PHIP: variants seen among roughly 807,000 people sequenced by gnomAD.
PHIP encodes the protein PHIP subunit of CUL4-Ring ligase complex, also known as PH-interacting protein.
PHIP carries 54 observed loss-of-function variants against 236.8 expected under a neutral mutation model. That is an observed-to-expected ratio of 0.23 (90% CI 0.18 to 0.29). The LOEUF (loss-of-function observed/expected upper bound fraction) is 0.29. Among genes scored for constraint, PHIP ranks in the 10% least tolerant of loss-of-function variants. The pLI is 1.00. For synonymous variants in PHIP, 756 were observed against 718.9 expected, an observed-to-expected ratio of 1.05 and a Z score of -0.83; for missense variants, 1,370 against 2,190.8, an observed-to-expected ratio of 0.63 and a Z score of 7.48.
chr6:78,990,539 T>A (rs1044833853), intron 20 of PHIP, among the ~76,000 whole-genome samples: 1 of 151,970 alleles, frequency 6.6e-6, no homozygotes, highest in South Asian at 2.1e-4. Flanking sequence ...TAGAAAAACA[T>A]AACAAAATGC....
At chr6:78,946,350 C>G (rs1225098536) in intron 37 of PHIP, 90 bp from the exon 38 acceptor site, 60 of 1,430,970 alleles carry the variant, frequency 4.2e-5, no homozygotes, top group Non-Finnish European at 5.3e-5. Flanking sequence ...AATATTTGTA[C>G]TATTATGAAA....
intron 31 of PHIP, among the ~76,000 whole-genome samples, chr6:78,959,700 G>GTT (rs1766649081): frequency 6.6e-6 from 1 of 152,140 alleles, no homozygotes; most frequent in Admixed American, 6.6e-5. Context: ...TCTAATTCAT[G>GTT]TAAGTATTGT....
intron 7 of PHIP, among the ~76,000 whole-genome samples, chr6:79,031,618 A>C (rs751103450): frequency 1.3e-5 from 2 of 152,222 alleles, no homozygotes; most frequent in African/African-American, 2.4e-5. Flanking sequence ...GTCTACTGCC[A>C]CACCTGAAAA....
Position 79,077,727 on chromosome 6 carries a change from C to T in PHIP, c.102G>A (p.Val34=). The change falls in exon 3 of 40, where the codon GTG becomes GTA. Residue 34 remains valine, a splice_region_variant and synonymous_variant. Coordinates refer to ENST00000275034, the MANE Select transcript of PHIP (RefSeq NM_017934.7). Reference sequence around the variant, plus strand: ...CCTTCTCGGCCACCTCGCGGATCAGCACCTGCAACAACAAAGCGGGGAGAG... The same window carrying T: ...CCTTCTCGGCCACCTCGCGGATCAGTACCTGCAACAACAAAGCGGGGAGAG... ...EDGPCQQAAQ[V]LIREVAEKEL... The T allele has an allele frequency of 2.0e-6, 2 of 1,013,414 alleles. No homozygotes were observed. Among genetic ancestry groups the T allele is most frequent in the Non-Finnish European group, 2.4e-6 (2 of 850,316 alleles). The allele number at this position is 1,013,414 out of a possible 1,614,324, so 62.8% of individuals were successfully genotyped here. A position where few individuals can be genotyped will look rare whatever the true frequency, so the allele number is the denominator to read the frequency against.
chr6:79,033,763 A>G (rs1490820194), intron 7 of PHIP, among the ~76,000 whole-genome samples: 1 of 152,088 alleles, frequency 6.6e-6, no homozygotes, highest in Admixed American at 6.6e-5. Flanking sequence ...TCCTTCAAGA[A>G]CTTTTGCTTT....
At position 78,997,437 on chromosome 6, in the gene PHIP, G is replaced by A. The variant is rs35057263; in HGVS notation, c.2178C>T (p.Pro726=). ...ACCTGGCTACACCAGCTGATAGCTC[G>A]GGTACTACCACCCTTCGACTCCAAG... ...LVAWSRRVVV[P]ELSAGVASRQ... is the part of the protein sequence containing the mutation. The change falls in exon 19 of 40, where the codon CCC becomes CCT. Residue 726 remains proline (P), a synonymous_variant. Coordinates refer to ENST00000275034, the MANE Select transcript of PHIP (RefSeq NM_017934.7). The A allele has an allele frequency of 4.3e-6, 7 of 1,613,592 alleles. No individual in the cohort carries two copies. Among genetic ancestry groups the A allele is most frequent in the South Asian group, 2.2e-5 (2 of 91,028 alleles).
At chr6:78,985,612 G>A (rs1170038573) in intron 21 of PHIP, among the ~76,000 whole-genome samples, 184 bp from the exon 22 acceptor site, 2 of 152,160 alleles carry the variant, frequency 1.3e-5, no homozygotes, top group Admixed American at 1.3e-4. Flanking sequence ...AGGTCAAGGT[G>A]GGCAGATCAC....
intron 27 of PHIP, 30 bp downstream of exon 27, chr6:78,969,805 A>C: frequency 9.2e-7 from 1 of 1,090,850 alleles, no homozygotes; most frequent in Non-Finnish European, 1.3e-6. Flanking sequence ...ACCACATCAA[A>C]CATCGATAGC....
In PHIP at chr6:78,939,471, T is replaced by A. The variant is rs1328826705; in HGVS notation, c.*1222A>T. ...CTTTAATAATTGAAAATAACCAATTTCCCCCTTAAAATTAAACTATAAAGT... is the reference window on the plus strand; with the variant it reads ...CTTTAATAATTGAAAATAACCAATTACCCCCTTAAAATTAAACTATAAAGT... On this transcript the variant is annotated 3_prime_UTR_variant, in exon 40 of 40. Transcript: ENST00000275034. 1.3e-5 allele frequency: 2 copies of A among 151,734 alleles called. No individual in the cohort carries two copies. Among genetic ancestry groups the A allele is most frequent in the East Asian group, 3.8e-4 (2 of 5,198 alleles). 9.4% of individuals were successfully genotyped at this position (151,734 alleles called of 1,614,324 possible). A position where few individuals can be genotyped will look rare whatever the true frequency, so the allele number is the denominator to read the frequency against.
intron 15 of PHIP, among the ~76,000 whole-genome samples, chr6:79,010,801 C>T (rs1770535413): frequency 1.3e-5 from 2 of 151,762 alleles, no homozygotes; most frequent in Admixed American, 6.6e-5. Context: ...TGGCCTAGTA[C>T]TAAGAAATGT....
chr6:79,017,212 A>G (rs2127742074), intron 12 of PHIP, 134 bp downstream of exon 12: 1 of 557,724 alleles, frequency 1.8e-6, no homozygotes, highest in African/African-American at 1.9e-5. Context: ...GGCTATATTC[A>G]CTTTTAAGTA....
chr6:78,991,466 C>T (rs1769241432), intron 19 of PHIP, among the ~76,000 whole-genome samples: 1 of 152,090 alleles, frequency 6.6e-6, no homozygotes, highest in African/African-American at 2.4e-5. Flanking sequence ...GGTCAGGTTT[C>T]ACCGACTGAA....
chr6:79,069,192 T>C (rs868218518), intron 4 of PHIP, among the ~76,000 whole-genome samples: 2 of 148,104 alleles, frequency 1.4e-5, no homozygotes, highest in East Asian at 1.9e-4. Context: ...ATTTATAATA[T>C]ATAATATACA....
rs188245603 is a variant in PHIP, at chr6:79,025,835, T to C, written c.822+108A>G. On this transcript the variant is annotated intron_variant, in intron 8 of 39. Transcript: ENST00000275034. Reference sequence around the variant, plus strand: ...CTTATATACTGGATTATAAAGGTGATTATAAAAGTAACTTCTTAAAATTTA... The same window carrying C: ...CTTATATACTGGATTATAAAGGTGACTATAAAAGTAACTTCTTAAAATTTA... 1.2e-3 allele frequency: 990 copies of C among 842,422 alleles called. 15 individuals are homozygous for C. The highest frequency in any genetic ancestry group is 4.9e-4 in the Admixed American group (20 of 41,168). The allele number at this position is 842,422 out of a possible 1,614,324, so 52.2% of individuals were successfully genotyped here. A position where few individuals can be genotyped will look rare whatever the true frequency, so the allele number is the denominator to read the frequency against.
intron 12 of PHIP, 31 bp from the exon 13 acceptor site, chr6:79,016,673 A>G: frequency 1.5e-6 from 2 of 1,374,188 alleles, no homozygotes; most frequent in Non-Finnish European, 2.0e-6. Flanking sequence ...TCCCCCAAAG[A>G]AAAATCATAC....
chr6:79,046,224 C>G (rs1205487773), intron 6 of PHIP, among the ~76,000 whole-genome samples: 1 of 152,138 alleles, frequency 6.6e-6, no homozygotes, highest in African/African-American at 2.4e-5. Context: ...ACTGGCTGTT[C>G]CCTCTTCATG....
At chr6:79,061,841 T>TGG (rs567647188) in intron 4 of PHIP, among the ~76,000 whole-genome samples, 1 of 152,066 alleles carries the variant, frequency 6.6e-6, no homozygotes, top group Non-Finnish European at 1.5e-5. Flanking sequence ...AAGACTGATG[T>TGG]GGGGGGAGGT....
chr6:79,073,020 G>C (rs745484996), intron 4 of PHIP, among the ~76,000 whole-genome samples: 14 of 152,100 alleles, frequency 9.2e-5, no homozygotes, highest in African/African-American at 1.7e-4. Flanking sequence ...CCATTTTACA[G>C]AATGGAAAAC....
intron 7 of PHIP, among the ~76,000 whole-genome samples, chr6:79,031,485 T>C (rs575375520): frequency 5.1e-4 from 78 of 152,276 alleles, no homozygotes; most frequent in African/African-American, 1.8e-3. Context: ...ATCTCTATAC[T>C]TGAAAACACA....
Sources: gnomAD v4.1 joint callset for allele counts (sites outside exome capture counted in the v4.1 genomes callset) on GRCh38, gnomAD v4.1.1 for gene constraint, MANE v1.5 for transcripts, NCBI Gene and HGNC (gene_info 2026-07-23, HGNC 2026-07-21) for gene names.